Variants in TCF12 observed in about 807,000 individuals in gnomAD.
TCF12 encodes DNA-binding protein HTF4.
TCF12 carries 45 observed loss-of-function variants against 86.0 expected under a neutral mutation model. That is an observed-to-expected ratio of 0.52 (90% CI 0.41 to 0.67). TCF12 has a LOEUF of 0.67. Ranked by LOEUF, TCF12 falls within the 30% of genes least tolerant of loss-of-function variation. The pLI is 0.00. For synonymous variants in TCF12, 330 were observed against 299.6 expected (o/e 1.10, Z -1.05); for missense variants, 881 against 859.9 (o/e 1.02, Z -0.31).
rs557876797 is a variant in TCF12, at chr15:57,142,694, G to C, written c.326-23708G>C. Among the ~76,000 whole-genome samples the C allele has an allele frequency of 3.3e-5, 5 of 152,294 alleles. No individual in the cohort carries two copies. The East Asian group carries it at 9.6e-4, about 29-fold the overall frequency. Reference sequence around the variant, plus strand: ...ATGCTTATCAACTAAAGTGGGAAAAGGTAACTTTTCAGTTGAGGAGCCTTA... The same window carrying C: ...ATGCTTATCAACTAAAGTGGGAAAACGTAACTTTTCAGTTGAGGAGCCTTA... On this transcript the variant is annotated intron_variant, in intron 5 of 20. Transcript: ENST00000333725.
At chr15:57,210,557 G>A (rs1044915064) in intron 8 of TCF12, among the ~76,000 whole-genome samples, 18 of 152,160 alleles carry the variant, frequency 1.2e-4, no homozygotes, top group African/African-American at 3.9e-4. Flanking sequence ...ATAGGAATTA[G>A]ATGAGAGCTA....
chr15:57,032,908 C>G (rs1378445650), intron 3 of TCF12, among the ~76,000 whole-genome samples: 1 of 152,194 alleles, frequency 6.6e-6, no homozygotes, highest in Non-Finnish European at 1.5e-5. Context: ...ATTAAACCCT[C>G]CATTATGAAA....
intron 18 of TCF12, among the ~76,000 whole-genome samples, chr15:57,266,864 C>G (rs2060892927): frequency 6.6e-6 from 1 of 152,030 alleles, no homozygotes; most frequent in Admixed American, 6.6e-5. Flanking sequence ...TAGCTAGATT[C>G]TGTCTCTACA....
At chr15:57,118,295 T>G (rs2151275799) in intron 5 of TCF12, 2 of 152,326 alleles carry the variant, frequency 1.3e-5, no homozygotes, top group Middle Eastern at 3.4e-3. Flanking sequence ...AAGAATTTTG[T>G]CTGAGCAAAT....
chr15:56,963,027 C>CTT (rs532973260), intron 3 of TCF12, among the ~76,000 whole-genome samples: 2,404 of 96,192 alleles, frequency 0.025, 46 homozygotes, highest in Non-Finnish European at 0.032. Flanking sequence ...GTGTTAAGGT[C>CTT]TTTTTTTTTT....
chr15:56,989,666 T>C (rs2063348886), intron 3 of TCF12, among the ~76,000 whole-genome samples: 1 of 152,216 alleles, frequency 6.6e-6, no homozygotes, highest in East Asian at 1.9e-4. Flanking sequence ...GCTGTAGGAA[T>C]CAGTTTGCTG....
intron 3 of TCF12, among the ~76,000 whole-genome samples, chr15:56,996,936 C>A (rs2063747906): frequency 6.6e-6 from 1 of 152,136 alleles, no homozygotes; most frequent in South Asian, 2.1e-4. Flanking sequence ...CCATTTCATA[C>A]CAGTCAGAAT....
At chr15:57,259,734 C>G (rs1401968017) in intron 16 of TCF12, among the ~76,000 whole-genome samples, 5 of 152,230 alleles carry the variant, frequency 3.3e-5, no homozygotes, top group African/African-American at 1.2e-4. Context: ...CAGCTGTATG[C>G]TAACGAGGTG....
chr15:57,053,278 G>A (rs1182776107), intron 3 of TCF12, among the ~76,000 whole-genome samples: 4 of 152,148 alleles, frequency 2.6e-5, no homozygotes, highest in Non-Finnish European at 5.9e-5. Context: ...TTGGAGAAAT[G>A]TCTATTCAAA....
intron 4 of TCF12, chr15:57,072,507 A>T (rs750540962): frequency 1.3e-5 from 4 of 312,370 alleles, no homozygotes; most frequent in Non-Finnish European, 1.1e-5. Context: ...TCTAGTGTAG[A>T]TATTTTCTCA....
At chr15:57,042,074 C>T (rs1324070483) in intron 3 of TCF12, among the ~76,000 whole-genome samples, 1 of 152,122 alleles carries the variant, frequency 6.6e-6, no homozygotes, top group African/African-American at 2.4e-5. Flanking sequence ...TGCCCATTTA[C>T]TCAATTTAAC....
chr15:56,952,193 C>T (rs200469998), intron 3 of TCF12, among the ~76,000 whole-genome samples: 5,063 of 151,712 alleles, frequency 0.033, 318 homozygotes, highest in East Asian at 0.29. Context: ...TGTATATACA[C>T]ACACACACAC....
At chr15:57,242,045 A>G (rs1441995886) in intron 12 of TCF12, among the ~76,000 whole-genome samples, 3 of 28,834 alleles carry the variant, frequency 1.0e-4, no homozygotes, top group African/African-American at 2.0e-4. Flanking sequence ...TTTGTTGTAT[A>G]TGAACCTGTC....
downstream of TCF12, among the ~76,000 whole-genome samples, chr15:57,290,478 G>A (rs1240307365): frequency 6.6e-6 from 1 of 152,116 alleles, no homozygotes; most frequent in African/African-American, 2.4e-5. Flanking sequence ...ATTAGGAGAT[G>A]TACCTGTGAA....
chr15:56,918,337 C>T (rs964987328), upstream of TCF12: 6 of 444,340 alleles, frequency 1.4e-5, no homozygotes, highest in African/African-American at 1.0e-4. Context: ...CCAGCAAGAC[C>T]AACGCGAGGA....
At chr15:57,089,690 A>C (rs1456529803) in intron 4 of TCF12, among the ~76,000 whole-genome samples, 1 of 151,900 alleles carries the variant, frequency 6.6e-6, no homozygotes, top group East Asian at 1.9e-4. Flanking sequence ...TTAGCATTCA[A>C]ATGTGTAGCG....
intron 7 of TCF12, among the ~76,000 whole-genome samples, chr15:57,194,417 G>T (rs928765530): frequency 1.3e-5 from 2 of 152,128 alleles, no homozygotes; most frequent in African/African-American, 4.8e-5. Flanking sequence ...TGCCCAGGGA[G>T]GTCCACCGAT....
At chr15:56,981,508 A>C (rs2062890016) in intron 3 of TCF12, among the ~76,000 whole-genome samples, 1 of 152,168 alleles carries the variant, frequency 6.6e-6, no homozygotes, top group Non-Finnish European at 1.5e-5. Flanking sequence ...GTTAGGCCTC[A>C]CTTCTCAACA....
chr15:57,046,161 C>T (rs1020458608), intron 3 of TCF12, among the ~76,000 whole-genome samples: 1 of 152,198 alleles, frequency 6.6e-6, no homozygotes. Context: ...CTCAGCCTCA[C>T]TCTTGAGTTA....
Sources: gnomAD v4.1 joint callset for allele counts (sites outside exome capture counted in the v4.1 genomes callset) on GRCh38, gnomAD v4.1.1 for gene constraint, MANE v1.5 for transcripts, NCBI Gene and HGNC (gene_info 2026-07-23, HGNC 2026-07-21) for gene names.